Variants in ZBTB8B observed in about 807,000 individuals in gnomAD.
ZBTB8B encodes the protein zinc finger and BTB domain-containing protein 8B.
Under a neutral mutation model 30.3 loss-of-function variants are expected in ZBTB8B, and 17 were observed. The ratio of observed to expected loss-of-function variants is 0.56; its 90% confidence interval spans 0.38 to 0.84. ZBTB8B has a LOEUF of 0.84. Among genes scored for constraint, ZBTB8B ranks in the 40% least tolerant of loss-of-function variants. The probability of loss-of-function intolerance (pLI) is 0.00; values close to 1 mark genes in which losing one functional copy is unlikely to be tolerated. For synonymous variants in ZBTB8B, 248 were observed against 255.6 expected, an observed-to-expected ratio of 0.97 and a Z score of 0.28; for missense variants, 515 against 644.9, an observed-to-expected ratio of 0.80 and a Z score of 2.18.
At chr1:32,469,241 G>C in intron 1 of ZBTB8B, among the ~76,000 whole-genome samples, 1 of 78,966 alleles carries the variant, frequency 1.3e-5, no homozygotes. Context: ...AAACACTCAA[G>C]TATAATTTTT....
At chr1:32,475,540 C>G (rs1205028738) in intron 2 of ZBTB8B, among the ~76,000 whole-genome samples, 4 of 152,102 alleles carry the variant, frequency 2.6e-5, no homozygotes, top group Non-Finnish European at 4.4e-5. Context: ...GAGCCAAGAT[C>G]ACACCACTGC....
At chr1:32,479,353 G>C (rs945704427) in intron 2 of ZBTB8B, among the ~76,000 whole-genome samples, 1 of 151,880 alleles carries the variant, frequency 6.6e-6, no homozygotes, top group South Asian at 2.1e-4. Flanking sequence ...GTGAAACCCC[G>C]CCTTTACTAA....
At chr1:32,471,930 A>G (rs368153572) in intron 2 of ZBTB8B, among the ~76,000 whole-genome samples, 15 of 140,412 alleles carry the variant, frequency 1.1e-4, no homozygotes, top group South Asian at 1.1e-3. Flanking sequence ...ATTCATTACC[A>G]TCATCACCAG....
chr1:32,482,446 G>A (rs983268506), intron 3 of ZBTB8B, among the ~76,000 whole-genome samples: 4 of 151,636 alleles, frequency 2.6e-5, no homozygotes, highest in African/African-American at 7.3e-5. Flanking sequence ...GCTGAGGTGG[G>A]CAGATCACAA....
chr1:32,485,235 T>C lies in ZBTB8B; in HGVS notation c.1305T>C (p.Asp435=), dbSNP rs1643736163. The change falls in exon 4 of 4, where the codon GAT becomes GAC. Residue 435 remains aspartate, a synonymous_variant. Transcript: ENST00000609129. ...TCVTDTPDDD[D]DLMPINLSLV... is the part of the protein sequence containing the mutation. ...TTACAGACACACCCGATGATGATGA[T>C]GATTTGATGCCCATCAACCTTAGCT... 6 of 1,551,906 alleles carry C rather than the reference T, an allele frequency of 3.9e-6. No homozygotes were observed. In the Admixed American group the frequency reaches 7.8e-5, roughly 20 times the overall value.
At chr1:32,467,550 G>A (rs1043318998) in intron 1 of ZBTB8B, among the ~76,000 whole-genome samples, 1 of 151,872 alleles carries the variant, frequency 6.6e-6, no homozygotes, top group Admixed American at 6.6e-5. Flanking sequence ...CACCACACCC[G>A]GCCCCAAGTG....
rs1409315275 is a variant in ZBTB8B, at chr1:32,465,396, C to T, written c.-42+291C>T. Among the ~76,000 whole-genome samples, 1 of 152,216 alleles carries T rather than the reference C, an allele frequency of 6.6e-6. No individual in the cohort carries two copies. The highest frequency in any genetic ancestry group is 2.4e-5 in the African/African-American group (1 of 41,464). ...CGACTACTTCCACGGTGAATGGTGC[C>T]CAGGCGTGGGGGGCTCGGCCACACT... On this transcript the variant is annotated intron_variant, in intron 1 of 3. Coordinates refer to ENST00000609129, the MANE Select transcript of ZBTB8B (RefSeq NM_001145720.2). The surrounding 1 kb of genome is among the most constrained non-coding windows in gnomAD (Gnocchi z 4.1).
intron 2 of ZBTB8B, among the ~76,000 whole-genome samples, chr1:32,473,468 G>A (rs1257297596): frequency 6.6e-6 from 1 of 151,738 alleles, no homozygotes; most frequent in African/African-American, 2.4e-5. Context: ...TTAAATAAAG[G>A]GAGATCAGCT....
chr1:32,487,197 C>T lies in ZBTB8B; in HGVS notation c.*1779C>T, dbSNP rs1344154314. On this transcript the variant is annotated 3_prime_UTR_variant, in exon 4 of 4. Transcript: ENST00000609129. ...TATAAATTGGCTTGTAAATGTTAGC[C>T]AAAGCATTAGACAGGTGTTTAAGTC... The T allele has an allele frequency of 6.6e-6, 1 of 152,128 alleles. No homozygotes were observed. The highest frequency in any genetic ancestry group is 1.5e-5 in the Non-Finnish European group (1 of 68,038). The allele number at this position is 152,128 out of a possible 1,614,324, so 9.4% of individuals were successfully genotyped here.
chr1:32,470,254 G>A (rs1368670162), intron 1 of ZBTB8B, among the ~76,000 whole-genome samples: 15 of 150,998 alleles, frequency 9.9e-5, no homozygotes, highest in African/African-American at 2.7e-4. Context: ...TAATCCCAGC[G>A]CTTTGGGAGG....
Position 32,489,046 on chromosome 1 carries a change from C to T in ZBTB8B, c.*3628C>T, listed in dbSNP as rs1319983982. 64 of 152,244 alleles carry T rather than the reference C, an allele frequency of 4.2e-4. No individual in the cohort carries two copies. Among genetic ancestry groups the T allele is most frequent in the Admixed American group, 4.1e-3 (62 of 15,290 alleles). The allele number at this position is 152,244 out of a possible 1,614,324, so 9.4% of individuals were successfully genotyped here. A position where few individuals can be genotyped will look rare whatever the true frequency, so the allele number is the denominator to read the frequency against. ...TCCTGACCTCAAGTGATCCGCCTGC[C>T]TCAGCCTCCCAAAGTGCTGGGATTA... On this transcript the variant is annotated 3_prime_UTR_variant, in exon 4 of 4. Transcript: ENST00000609129.
At position 32,480,876 on chromosome 1, in the gene ZBTB8B, C is replaced by T; in HGVS notation, c.992-15C>T. 2 of 1,548,972 alleles carry T rather than the reference C, an allele frequency of 1.3e-6. No homozygotes were observed. The highest frequency in any genetic ancestry group is 4.9e-5 in the East Asian group (2 of 40,880). On this transcript the variant is annotated splice_polypyrimidine_tract_variant and intron_variant, in intron 2 of 3. Transcript: ENST00000609129. ...TGCATACAGCACAGCTAAATGAAAG[C>T]ATTTGGTTCCCCAGGTGATGTGCTG...
chr1:32,481,037 C>A lies in ZBTB8B; in HGVS notation c.1138C>A (p.Arg380=), dbSNP rs766409585. 3 of 1,551,720 alleles carry A rather than the reference C, an allele frequency of 1.9e-6. No individual in the cohort carries two copies. The highest frequency in any genetic ancestry group is 2.6e-6 in the Non-Finnish European group (3 of 1,147,030). ...TGAGACCTGCGGCAAGAGGTTCACT[C>A]GACAAGAGCACCTGCGGAGCCACGC... The part of the protein sequence containing the change: ...PCETCGKRFT[R]QEHLRSHALS... The change falls in exon 3 of 4, where the codon CGA becomes AGA. Residue 380 remains arginine (R), a synonymous_variant. Coordinates refer to ENST00000609129, the MANE Select transcript of ZBTB8B (RefSeq NM_001145720.2).
At chr1:32,482,594 C>T (rs1643713576) in intron 3 of ZBTB8B, among the ~76,000 whole-genome samples, 2 of 148,724 alleles carry the variant, frequency 1.3e-5, no homozygotes, top group Admixed American at 1.4e-4. Flanking sequence ...CTGCTTGAAC[C>T]CGGGAGGTGG....
intron 2 of ZBTB8B, 47 bp from the exon 3 acceptor site, chr1:32,480,844 T>C (rs1643698441): frequency 4.0e-6 from 6 of 1,495,716 alleles, no homozygotes; most frequent in Non-Finnish European, 5.4e-6. Flanking sequence ...TAGCCAGGGT[T>C]GGTCACTGCA....
chr1:32,495,566 AAG>A lies in ZBTB8B; in HGVS notation c.*10149_*10150del, dbSNP rs1369231734. 6.3e-3 allele frequency: 956 copies of A among 152,300 alleles called. 10 individuals are homozygous for A. The highest frequency in any genetic ancestry group is 0.02 in the African/African-American group (840 of 41,576). 9.4% of individuals were successfully genotyped at this position (152,300 alleles called of 1,614,324 possible). A position where few individuals can be genotyped will look rare whatever the true frequency, so the allele number is the denominator to read the frequency against. On this transcript the variant is annotated 3_prime_UTR_variant, in exon 4 of 4. Coordinates refer to ENST00000609129, the MANE Select transcript of ZBTB8B (RefSeq NM_001145720.2). Reference sequence around the variant, plus strand: ...GTTTAGAATAGGAGTGGCCTCAACAAAGGAAAAAGTCCTTTGTTCCTCTGTTG... The same window carrying A: ...GTTTAGAATAGGAGTGGCCTCAACAAGAAAAAGTCCTTTGTTCCTCTGTTG...
At chr1:32,481,983 T>C (rs1023677030) in intron 3 of ZBTB8B, among the ~76,000 whole-genome samples, 4 of 152,154 alleles carry the variant, frequency 2.6e-5, no homozygotes, top group Non-Finnish European at 2.9e-5. Flanking sequence ...TGATCATCTT[T>C]TTTTGTTTTG....
chr1:32,468,042 G>C (rs1285302699), intron 1 of ZBTB8B, among the ~76,000 whole-genome samples: 2 of 151,060 alleles, frequency 1.3e-5, no homozygotes, highest in Non-Finnish European at 3.0e-5. Context: ...CTTTAGCCAG[G>C]GAGGCGGAGG....
chr1:32,492,782 T>G lies in ZBTB8B; in HGVS notation c.*7364T>G, dbSNP rs1643788403. On this transcript the variant is annotated 3_prime_UTR_variant, in exon 4 of 4. Transcript: ENST00000609129. ...TACTTCAGTGAACCAGCACCATCCC[T>G]GCCCTCAAGGATCCTGCAGTGTGTA... is the stretch of plus-strand genomic sequence containing the variant. 1 of 152,248 alleles carries G rather than the reference T, an allele frequency of 6.6e-6. No individual in the cohort carries two copies. The highest frequency in any genetic ancestry group is 1.5e-5 in the Non-Finnish European group (1 of 68,070). The allele number at this position is 152,248 out of a possible 1,614,324, so 9.4% of individuals were successfully genotyped here. A position where few individuals can be genotyped will look rare whatever the true frequency, so the allele number is the denominator to read the frequency against.
Sources: allele counts gnomAD v4.1 joint callset (sites outside exome capture counted in the v4.1 genomes callset), GRCh38; gene constraint gnomAD v4.1.1; non-coding constraint Gnocchi (gnomAD v3.1); transcripts MANE v1.5; gene names NCBI Gene and HGNC (gene_info 2026-07-23, HGNC 2026-07-21).